GLDC: variants seen among roughly 807,000 people sequenced by gnomAD.
The protein encoded by GLDC is glycine decarboxylase, also known as glycine dehydrogenase (decarboxylating), mitochondrial.
Under a neutral mutation model 121.3 loss-of-function variants are expected in GLDC, and 104 were observed. That is an observed-to-expected ratio of 0.86 (90% confidence interval 0.73 to 1.01). The LOEUF is 1.01. Among genes scored for constraint, GLDC ranks in the 50% least tolerant of loss-of-function variants. The pLI, the probability that GLDC is intolerant of heterozygous loss-of-function variation, is 0.00. For synonymous variants in GLDC, 546 were observed against 480.6 expected (o/e 1.14, Z -1.78); for missense variants, 1,429 against 1,306.6 (o/e 1.09, Z -1.44).
intron 8 of GLDC, among the ~76,000 whole-genome samples, chr9:6,600,385 A>G (rs147582374): frequency 0.014 from 2,091 of 151,960 alleles, 41 homozygotes; most frequent in African/African-American, 0.041. Flanking sequence ...AAGAAAAAAA[A>G]AAAAAAAGAA....
intron 15 of GLDC, among the ~76,000 whole-genome samples, chr9:6,581,311 G>T (rs1818167144): frequency 6.6e-6 from 1 of 152,214 alleles, no homozygotes; most frequent in African/African-American, 2.4e-5. Context: ...ATCCCATACA[G>T]TGATGGTGAT....
chr9:6,626,477 A>AAC (rs1819240699), intron 2 of GLDC, among the ~76,000 whole-genome samples: 1 of 152,194 alleles, frequency 6.6e-6, no homozygotes, highest in Non-Finnish European at 1.5e-5. Flanking sequence ...CAGAAGAAGA[A>AAC]ACACAAGAAC....
intron 15 of GLDC, among the ~76,000 whole-genome samples, chr9:6,584,262 T>C (rs946740711): frequency 8.5e-5 from 13 of 152,238 alleles, no homozygotes; most frequent in South Asian, 4.1e-4. Context: ...TGATGACACC[T>C]GTGACTGCAC....
chr9:6,607,330 C>T (rs2129906093), intron 4 of GLDC, among the ~76,000 whole-genome samples: 1 of 152,262 alleles, frequency 6.6e-6, no homozygotes, highest in African/African-American at 2.4e-5. Context: ...CACCTGTAAT[C>T]CCAGCACTAC....
intron 21 of GLDC, among the ~76,000 whole-genome samples, chr9:6,543,406 G>A (rs1817311984): frequency 6.6e-6 from 1 of 152,128 alleles, no homozygotes. Context: ...AGGCACTCTT[G>A]CTGGCAGCGC....
At position 6,610,631 on chromosome 9, in the gene GLDC, C is replaced by T. The variant is rs149246706; in HGVS notation, c.471-275G>A. On this transcript the variant is annotated intron_variant, in intron 3 of 24. Coordinates refer to ENST00000321612, the MANE Select transcript of GLDC (RefSeq NM_000170.3). ...TTTGTTGGTTTTTGAGACAGGGTCT[C>T]GCTCTGTCACCCAGGCTGGAGTGCA... Among the ~76,000 whole-genome samples, 19 of 152,234 alleles carry T rather than the reference C, an allele frequency of 1.2e-4. 1 individual carries two copies. Among genetic ancestry groups the T allele is most frequent in the African/African-American group, 3.1e-4 (13 of 41,542 alleles).
intron 8 of GLDC, among the ~76,000 whole-genome samples, chr9:6,598,280 C>T (rs886836350): frequency 6.6e-6 from 1 of 152,194 alleles, no homozygotes; most frequent in African/African-American, 2.4e-5. Context: ...ATCCTCCTGC[C>T]TTGGCCTCCT....
chr9:6,589,720 C>G (rs1417569970), intron 11 of GLDC, among the ~76,000 whole-genome samples: 2 of 152,078 alleles, frequency 1.3e-5, no homozygotes, highest in East Asian at 3.9e-4. Context: ...GGCCACTGAG[C>G]CTGGCCAAAG....
intron 21 of GLDC, among the ~76,000 whole-genome samples, chr9:6,549,892 A>C (rs1817475217): frequency 3.3e-5 from 5 of 152,102 alleles, no homozygotes; most frequent in Admixed American, 3.3e-4. Flanking sequence ...TCCCCTGCTC[A>C]AAAACCTTTA....
intron 17 of GLDC, chr9:6,558,219 G>A: frequency 1.8e-6 from 1 of 546,324 alleles, no homozygotes. Flanking sequence ...TACAATTCCT[G>A]ACACGAAGAT....
At chr9:6,573,138 G>A (rs1424858609) in intron 15 of GLDC, among the ~76,000 whole-genome samples, 2 of 152,158 alleles carry the variant, frequency 1.3e-5, no homozygotes, top group Non-Finnish European at 2.9e-5. Flanking sequence ...GGCCAGGCAT[G>A]GTGGCTCACG....
At chr9:6,630,649 G>T (rs144495067) in intron 2 of GLDC, among the ~76,000 whole-genome samples, 1,594 of 152,300 alleles carry the variant, frequency 0.01, 13 homozygotes, top group Middle Eastern at 0.024. Flanking sequence ...TGGGCAGATT[G>T]TTCTTGCCAA....
chr9:6,616,660 C>A (rs543869803), intron 3 of GLDC, among the ~76,000 whole-genome samples: 1 of 152,286 alleles, frequency 6.6e-6, no homozygotes, highest in African/African-American at 2.4e-5. Flanking sequence ...TCTATAATGT[C>A]TATGTTCCAA....
At chr9:6,593,529 G>A (rs1014139637) in intron 9 of GLDC, among the ~76,000 whole-genome samples, 3 of 151,242 alleles carry the variant, frequency 2.0e-5, no homozygotes, top group Non-Finnish European at 4.4e-5. Flanking sequence ...CTTGAACTCT[G>A]GGACTCAAGC....
At chr9:6,588,817 C>T in intron 12 of GLDC, 115 bp from the exon 13 acceptor site, 1 of 751,416 alleles carries the variant, frequency 1.3e-6, no homozygotes, top group Non-Finnish European at 2.4e-6. Context: ...TCAATTTTGG[C>T]CACGGACAAT....
intron 20 of GLDC, among the ~76,000 whole-genome samples, chr9:6,552,291 A>G (rs1200081316): frequency 6.6e-6 from 1 of 152,144 alleles, no homozygotes; most frequent in African/African-American, 2.4e-5. Context: ...AGCCAAACCA[A>G]CCTTGGGGCA....
Position 6,554,748 on chromosome 9 carries a change from C to G in GLDC, c.2236G>C (p.Asp746His), listed in dbSNP as rs775769857. The change falls in exon 19 of 25, where the codon GAT becomes CAT. Residue 746 changes from aspartate (D) to histidine (H), a missense_variant. Coordinates refer to ENST00000321612, the MANE Select transcript of GLDC (RefSeq NM_000170.3). ...TTGTGAAGATTTAGGTGCGAGACATCAGACCCGAAGTCTCCAGGGCGACAG... is the reference window on the plus strand; with the variant it reads ...TTGTGAAGATTTAGGTGCGAGACATGAGACCCGAAGTCTCCAGGGCGACAG... Reference protein sequence around the residue: ...GICRPGDFGSDVSHLNLHKTF... With the variant: ...GICRPGDFGSHVSHLNLHKTF... The G allele has an allele frequency of 5.6e-6, 9 of 1,613,520 alleles. No homozygotes were observed. Among genetic ancestry groups the G allele is most frequent in the Non-Finnish European group, 7.6e-6 (9 of 1,179,868 alleles).
chr9:6,640,294 G>A (rs1819603514), intron 2 of GLDC, among the ~76,000 whole-genome samples: 1 of 152,226 alleles, frequency 6.6e-6, no homozygotes, highest in Admixed American at 6.5e-5. Context: ...AATTGAATGA[G>A]TCGGGAATGG....
At chr9:6,639,817 G>A (rs945069387) in intron 2 of GLDC, among the ~76,000 whole-genome samples, 3 of 151,950 alleles carry the variant, frequency 2.0e-5, no homozygotes, top group East Asian at 3.9e-4. Context: ...AAACAATCAA[G>A]GAAGCCAGCC....
Sources: gnomAD v4.1 joint callset for allele counts (sites outside exome capture counted in the v4.1 genomes callset) on GRCh38, gnomAD v4.1.1 for gene constraint, MANE v1.5 for transcripts, NCBI Gene and HGNC (gene_info 2026-07-23, HGNC 2026-07-21) for gene names.